Variants in PCDHA4 observed in about 807,000 individuals in gnomAD.
PCDHA4 encodes the protein protocadherin alpha 4.
Under a neutral mutation model 61.4 loss-of-function variants are expected in PCDHA4, and 49 were observed. That is an observed-to-expected ratio of 0.80 (90% CI 0.63 to 1.01). PCDHA4 has a LOEUF of 1.01. Among genes scored for constraint, PCDHA4 ranks in the 50% least tolerant of loss-of-function variants. The probability of loss-of-function intolerance (pLI) is 0.00; values close to 1 mark genes in which losing one functional copy is unlikely to be tolerated. For missense variants in PCDHA4, 1,254 were observed against 1,235.8 expected, an observed-to-expected ratio of 1.01 and a Z score of -0.22; for synonymous variants, 590 against 550.3, an observed-to-expected ratio of 1.07 and a Z score of -1.01.
intron 1 of PCDHA4, chr5:140,967,436 C>T (rs781894469): frequency 6.2e-7 from 1 of 1,613,496 alleles, no homozygotes; most frequent in Non-Finnish European, 8.5e-7. Context: ...AGCCTTGCAC[C>T]ACCTGGTTCT....
chr5:140,927,362 G>A, intron 1 of PCDHA4: 1 of 1,614,030 alleles, frequency 6.2e-7, no homozygotes, highest in Non-Finnish European at 8.5e-7. Context: ...GGAAGCAATG[G>A]GATACTAAGC....
At chr5:140,829,994 C>G (rs1554132448) in intron 1 of PCDHA4, 3 of 1,613,866 alleles carry the variant, frequency 1.9e-6, no homozygotes, top group Non-Finnish European at 2.5e-6. Flanking sequence ...CAGCACCACT[C>G]GTGTCCTGGA....
intron 1 of PCDHA4, chr5:140,842,941 G>C (rs1388720747): frequency 3.1e-6 from 5 of 1,594,532 alleles, no homozygotes; most frequent in Admixed American, 1.7e-5. Context: ...CGCGCGACGC[G>C]GGCGTGCCGC....
chr5:140,881,453 C>T (rs554262236), intron 1 of PCDHA4: 48 of 714,052 alleles, frequency 6.7e-5, no homozygotes, highest in Admixed American at 6.2e-5. Context: ...GAATCCAAAA[C>T]CTTAGAGCAT....
At chr5:140,871,086 G>GGCCACC (rs782688668) in intron 1 of PCDHA4, 1 of 1,613,256 alleles carries the variant, frequency 6.2e-7, no homozygotes, top group Non-Finnish European at 8.5e-7. Context: ...TGACGGCCAC[G>GGCCACC]GCCACCGTGC....
intron 3 of PCDHA4, among the ~76,000 whole-genome samples, chr5:140,996,041 C>T (rs2097709262): frequency 6.6e-6 from 1 of 152,224 alleles, no homozygotes; most frequent in African/African-American, 2.4e-5. Context: ...TAGCACTTAA[C>T]ACAGTGCTTG....
At chr5:140,876,972 C>T (rs374149249) in intron 1 of PCDHA4, 13 of 1,612,478 alleles carry the variant, frequency 8.1e-6, no homozygotes, top group Non-Finnish European at 1.1e-5. Context: ...GGCGGGTGGG[C>T]GAGCACGCAC....
At chr5:140,981,019 T>A (rs1396794400) in intron 2 of PCDHA4, among the ~76,000 whole-genome samples, 1 of 152,242 alleles carries the variant, frequency 6.6e-6, no homozygotes, top group East Asian at 1.9e-4. Context: ...ACTTGAAGGC[T>A]GTTAATATTT....
chr5:140,904,826 T>C (rs1251990612), intron 1 of PCDHA4, among the ~76,000 whole-genome samples: 1 of 152,206 alleles, frequency 6.6e-6, no homozygotes. Flanking sequence ...GAGCATTTTT[T>C]TATATGTTTC....
chr5:140,822,953 C>G (rs2150120717), intron 1 of PCDHA4: 1 of 1,614,236 alleles, frequency 6.2e-7, no homozygotes, highest in East Asian at 2.2e-5. Context: ...CCCCACGTTC[C>G]CTTCAAGCTG....
chr5:140,843,636 TC>T, intron 1 of PCDHA4: 2 of 1,595,920 alleles, frequency 1.3e-6, no homozygotes, highest in Non-Finnish European at 1.7e-6. Context: ...CTCATGGCCT[TC>T]AGCCCCTGCC....
chr5:140,808,201 G>A lies in PCDHA4; in HGVS notation c.1014G>A (p.Val338=), dbSNP rs1351176150. Reference sequence around the variant, plus strand: ...TTTCTGGCCATTGTAGAGTTATTGTGGAAGTAGAAGACAACAACGATAATG... The same window carrying A: ...TTTCTGGCCATTGTAGAGTTATTGTAGAAGTAGAAGACAACAACGATAATG... The part of the protein sequence containing the change: ...LPLSGHCRVI[V]EVEDNNDNVP... The change falls in exon 1 of 4, where the codon GTG becomes GTA. Residue 338 remains valine, a synonymous_variant. Coordinates refer to ENST00000530339, the MANE Select transcript of PCDHA4 (RefSeq NM_018907.4). 1 of 1,614,106 alleles carries A rather than the reference G, an allele frequency of 6.2e-7. No homozygotes were observed. Among genetic ancestry groups the A allele is most frequent in the Non-Finnish European group, 8.5e-7 (1 of 1,180,028 alleles).
intron 1 of PCDHA4, among the ~76,000 whole-genome samples, chr5:140,939,170 A>G (rs1554212590): frequency 2.0e-5 from 3 of 152,136 alleles, no homozygotes; most frequent in Admixed American, 1.3e-4. Context: ...GTGTCTGGTA[A>G]TGGCCCACTC....
chr5:140,983,221 A>G (rs1178098444), intron 3 of PCDHA4, among the ~76,000 whole-genome samples: 1 of 152,196 alleles, frequency 6.6e-6, no homozygotes, highest in Non-Finnish European at 1.5e-5. Context: ...TCCTAATCCA[A>G]ACTTTCAGGA....
At chr5:140,876,207 C>A (rs251377) in intron 1 of PCDHA4, 776,282 of 1,613,510 alleles carry the variant, frequency 0.48, 188,573 homozygotes, top group South Asian at 0.57. Flanking sequence ...TTGATAAGCC[C>A]AGCTATAAAG....
chr5:140,817,601 C>T (rs1766165103), intron 1 of PCDHA4: 2 of 152,202 alleles, frequency 1.3e-5, no homozygotes, highest in Admixed American at 1.3e-4. Flanking sequence ...CCAGGCAACG[C>T]TAAGACCTTG....
intron 1 of PCDHA4, chr5:140,927,024 G>A (rs1554203920): frequency 6.2e-7 from 1 of 1,612,408 alleles, no homozygotes. Flanking sequence ...CGGACTTGAG[G>A]CTGCCAGCGG....
chr5:140,845,771 A>C (rs1034344709), intron 1 of PCDHA4, among the ~76,000 whole-genome samples: 1 of 149,762 alleles, frequency 6.7e-6, no homozygotes, highest in African/African-American at 2.4e-5. Flanking sequence ...GTTAATAGTT[A>C]TAAATTATTA....
chr5:140,928,917 G>A (rs181013464), intron 1 of PCDHA4: 4 of 1,614,134 alleles, frequency 2.5e-6, no homozygotes, highest in Admixed American at 1.7e-5. Context: ...AACCAGGAGG[G>A]CAGCTTTCTG....
Sources: allele counts gnomAD v4.1 joint callset (sites outside exome capture counted in the v4.1 genomes callset), GRCh38; gene constraint gnomAD v4.1.1; transcripts MANE v1.5; gene names NCBI Gene and HGNC (gene_info 2026-07-23, HGNC 2026-07-21).